The following BRAP variants were observed in gnomAD, a reference collection of about 807,000 sequenced individuals.
BRAP encodes BRCA1 associated protein.
Under a neutral mutation model 73.4 loss-of-function variants are expected in BRAP, and 42 were observed. The ratio of observed to expected loss-of-function variants is 0.57; its 90% confidence interval spans 0.45 to 0.74. The LOEUF (loss-of-function observed/expected upper bound fraction) is 0.74, where lower values mean the gene tolerates loss of function less well. Among genes scored for constraint, BRAP ranks in the 30% least tolerant of loss-of-function variants. The pLI is 0.00. For missense variants in BRAP, 593 were observed against 751.4 expected (o/e 0.79, Z 2.46); for synonymous variants, 255 against 267.4 (o/e 0.95, Z 0.45).
At chr12:111,657,758 A>G (rs1273056470) in intron 9 of BRAP, among the ~76,000 whole-genome samples, 6 of 152,012 alleles carry the variant, frequency 3.9e-5, no homozygotes, top group African/African-American at 1.4e-4. Flanking sequence ...ACACACCTGT[A>G]GTCCCAGCTA....
chr12:111,668,570 A>C (rs1887045584), intron 5 of BRAP, among the ~76,000 whole-genome samples: 1 of 152,244 alleles, frequency 6.6e-6, no homozygotes, highest in Non-Finnish European at 1.5e-5. Flanking sequence ...CTTTGAAGAC[A>C]AATGAAGATA....
chr12:111,669,539 A>C (rs964369808), intron 5 of BRAP, among the ~76,000 whole-genome samples: 1 of 152,022 alleles, frequency 6.6e-6, no homozygotes, highest in Non-Finnish European at 1.5e-5. Flanking sequence ...CTTCCCTCTT[A>C]ATGTGTTAAT....
intron 6 of BRAP, among the ~76,000 whole-genome samples, chr12:111,661,650 G>T (rs556662200): frequency 2.6e-5 from 4 of 150,966 alleles, no homozygotes; most frequent in African/African-American, 9.7e-5. Context: ...CATTCAAAAA[G>T]TACCCTTTCT....
At chr12:111,646,642 G>A (rs150014859) in intron 11 of BRAP, among the ~76,000 whole-genome samples, 88 of 152,166 alleles carry the variant, frequency 5.8e-4, no homozygotes, top group African/African-American at 1.8e-3. Context: ...GTGTGGTAGC[G>A]TGTGCCTGTA....
At chr12:111,675,366 A>G (rs1255310114) in intron 4 of BRAP, among the ~76,000 whole-genome samples, 1 of 151,766 alleles carries the variant, frequency 6.6e-6, no homozygotes, top group Non-Finnish European at 1.5e-5. Context: ...GTAAAAAGAA[A>G]AAGTACTTTT....
intron 1 of BRAP, among the ~76,000 whole-genome samples, chr12:111,684,548 C>A (rs1353194204): frequency 6.6e-6 from 1 of 152,168 alleles, no homozygotes. Flanking sequence ...TAATTCTACA[C>A]ATATTCTGCA....
intron 4 of BRAP, among the ~76,000 whole-genome samples, chr12:111,678,337 C>G (rs758442145): frequency 3.3e-5 from 5 of 151,068 alleles, no homozygotes; most frequent in Non-Finnish European, 5.9e-5. Flanking sequence ...GGAACCACCG[C>G]TTTTCTGGAA....
chr12:111,652,368 C>T (rs1566111859), intron 10 of BRAP, among the ~76,000 whole-genome samples: 2 of 152,150 alleles, frequency 1.3e-5, no homozygotes, highest in East Asian at 3.9e-4. Context: ...GGACTATGGG[C>T]ACCCGCTACC....
intron 11 of BRAP, among the ~76,000 whole-genome samples, chr12:111,646,427 G>A (rs1321227330): frequency 6.6e-6 from 1 of 152,152 alleles, no homozygotes; most frequent in African/African-American, 2.4e-5. Flanking sequence ...CACTAGCACT[G>A]GAGCATGAAC....
At chr12:111,655,501 A>G (rs2135902140) in intron 10 of BRAP, 65 bp downstream of exon 10, 2 of 1,322,240 alleles carry the variant, frequency 1.5e-6, no homozygotes, top group East Asian at 4.6e-5. Flanking sequence ...TCTGCCTTCC[A>G]CACCCCCCAT....
chr12:111,660,589 C>G lies in BRAP; in HGVS notation c.972+11G>C. ...TGCATTCTTTGTTCTTTTCCATCAC[C>G]CATTACTTACTTCCTGAACACCACA... is the stretch of plus-strand genomic sequence containing the variant. On this transcript the variant is annotated intron_variant, in intron 7 of 11. Transcript: ENST00000419234. 6.3e-7 allele frequency: 1 copy of G among 1,596,072 alleles called. No individual in the cohort carries two copies. Among genetic ancestry groups the G allele is most frequent in the Non-Finnish European group, 8.5e-7 (1 of 1,171,366 alleles).
chr12:111,659,686 GCTCA>G (rs1240288147), intron 7 of BRAP, among the ~76,000 whole-genome samples: 2 of 151,212 alleles, frequency 1.3e-5, no homozygotes, highest in Non-Finnish European at 2.9e-5. Flanking sequence ...AATCGATCCA[GCTCA>G]CTCAGAGTGG....
At chr12:111,650,259 G>A (rs369413771) in intron 10 of BRAP, among the ~76,000 whole-genome samples, 10 of 152,072 alleles carry the variant, frequency 6.6e-5, no homozygotes, top group African/African-American at 2.4e-4. Flanking sequence ...TAAAAATGCC[G>A]GGAAATCTTT....
At chr12:111,650,464 T>A (rs1049452330) in intron 10 of BRAP, among the ~76,000 whole-genome samples, 1 of 152,116 alleles carries the variant, frequency 6.6e-6, no homozygotes, top group East Asian at 1.9e-4. Context: ...CAGGGTTTCA[T>A]CATGTTGGCC....
chr12:111,684,745 C>G (rs1887739194), intron 1 of BRAP, among the ~76,000 whole-genome samples: 1 of 151,716 alleles, frequency 6.6e-6, no homozygotes, highest in African/African-American at 2.4e-5. Context: ...CTTGGCTCAC[C>G]GCAACCTCCA....
intron 9 of BRAP, among the ~76,000 whole-genome samples, chr12:111,658,250 G>A (rs1886605651): frequency 1.3e-5 from 2 of 151,134 alleles, no homozygotes; most frequent in African/African-American, 2.4e-5. Flanking sequence ...GACTTTCAAA[G>A]AAGAAAAACA....
In BRAP at chr12:111,655,577, T is replaced by C. The variant is rs778714248; in HGVS notation, c.1300A>G (p.Thr434Ala). 9.9e-6 allele frequency: 16 copies of C among 1,613,050 alleles called. No homozygotes were observed. The highest frequency in any genetic ancestry group is 1.4e-5 in the Non-Finnish European group (16 of 1,178,980). ...CCAAACAGACTTACTTCCTCTGCTG[T>C]GTCCTTCTCTATCCGAACTATCTTG... ...ENKIVRIEKDTAEEINNMKTK... is the reference protein window; with the variant it reads ...ENKIVRIEKDAAEEINNMKTK... Residue 434 changes from threonine to alanine, a missense_variant, in exon 10 of 12, where the codon ACA (threonine) becomes GCA (alanine). This residue lies in a region of BRAP where 143 missense variants were observed against 190.4 expected (regional missense o/e 0.75). Coordinates refer to ENST00000419234, the MANE Select transcript of BRAP (RefSeq NM_006768.5).
chr12:111,668,834 T>A (rs544473974), intron 5 of BRAP, among the ~76,000 whole-genome samples: 25 of 152,072 alleles, frequency 1.6e-4, no homozygotes, highest in African/African-American at 6.0e-4. Flanking sequence ...TTTTTTGTAT[T>A]TTTAGTAGAG....
rs1454980088 is a variant in BRAP at position 111,665,551 on chromosome 12, G to A, written c.896+88C>T. On this transcript the variant is annotated intron_variant, in intron 6 of 11. Coordinates refer to ENST00000419234, the MANE Select transcript of BRAP (RefSeq NM_006768.5). This position sits in a 1 kb window ranked among gnomAD's most constrained non-coding sequence, Gnocchi z 4.3. ...CCTCTTGAATAAAGTCAAATACTTG[G>A]AATGGTTCATTTCTGCTGGTGGCTC... The A allele has an allele frequency of 1.3e-6, 2 of 1,529,492 alleles. No homozygotes were observed. The highest frequency in any genetic ancestry group is 2.3e-5 in the East Asian group (1 of 43,922). The allele number at this position is 1,529,492 out of a possible 1,614,324, so 94.7% of individuals were successfully genotyped here.
Sources: gnomAD v4.1 joint callset for allele counts (sites outside exome capture counted in the v4.1 genomes callset) on GRCh38, gnomAD v4.1.1 for gene constraint, gnomAD v4.1.1 regional missense constraint, Gnocchi (gnomAD v3.1) non-coding constraint, MANE v1.5 for transcripts, NCBI Gene and HGNC (gene_info 2026-07-23, HGNC 2026-07-21) for gene names.